HLTF: variants seen among roughly 807,000 people sequenced by gnomAD.
HLTF encodes DNA-dependent ATPase/E3 ubiquitin-protein ligase HLTF.
Under a neutral mutation model 129.4 loss-of-function variants are expected in HLTF, and 127 were observed. That is an observed-to-expected ratio of 0.98 (90% CI 0.85 to 1.14). The LOEUF is 1.14. Ranked by LOEUF, HLTF falls within the 50% of genes most tolerant of loss-of-function variation. HLTF has a pLI of 0.00. For missense variants in HLTF, 1,139 were observed against 1,187.1 expected (o/e 0.96, Z 0.60); for synonymous variants, 332 against 388.8 (o/e 0.85, Z 1.72).
intron 17 of HLTF, among the ~76,000 whole-genome samples, chr3:149,047,425 T>C (rs1190526946): frequency 6.6e-6 from 1 of 152,164 alleles, no homozygotes; most frequent in African/African-American, 2.4e-5. Flanking sequence ...GAGGATAACC[T>C]GAGGTCAGAA....
At chr3:149,041,791 CA>C in intron 19 of HLTF, 123 bp from the exon 20 acceptor site, 1 of 685,864 alleles carries the variant, frequency 1.5e-6, no homozygotes, top group Non-Finnish European at 2.4e-6. Context: ...CTGCCATAGG[CA>C]AAAAGCATAA....
rs59996160 is a variant in HLTF at position 149,035,656 on chromosome 3, C to CA, written c.2797-659dup. On this transcript the variant is annotated intron_variant, in intron 23 of 24. Transcript: ENST00000310053. ...ACTGGGCGACAGCGAGACTCCGTCT[C>CA]AAAAAAAAAAAAAAAAAAAAAAAAA... Among the ~76,000 whole-genome samples, 556 of 73,402 alleles carry CA rather than the reference C, an allele frequency of 7.6e-3. 17 individuals are homozygous for CA. The highest frequency in any genetic ancestry group is 0.023 in the Admixed American group (107 of 4,736). 48.2% of individuals were successfully genotyped at this position (73,402 alleles called of 152,430 possible). A position where few individuals can be genotyped will look rare whatever the true frequency, so the allele number is the denominator to read the frequency against.
intron 4 of HLTF, among the ~76,000 whole-genome samples, 165 bp downstream of exon 4, chr3:149,074,050 G>A (rs1029199690): frequency 3.3e-5 from 5 of 151,920 alleles, no homozygotes; most frequent in African/African-American, 1.2e-4. Flanking sequence ...TTTCAATAGA[G>A]GCAAAAGGAA....
At chr3:149,072,752 A>G (rs1718984909) in intron 5 of HLTF, among the ~76,000 whole-genome samples, 1 of 152,190 alleles carries the variant, frequency 6.6e-6, no homozygotes, top group Admixed American at 6.5e-5. Flanking sequence ...TTTTAATGTT[A>G]TTTTTAAATT....
At chr3:149,072,280 T>C (rs930869346) in intron 5 of HLTF, among the ~76,000 whole-genome samples, 2 of 152,178 alleles carry the variant, frequency 1.3e-5, no homozygotes, top group Non-Finnish European at 2.9e-5. Context: ...GACTTGACCT[T>C]TATGGCCCCA....
At chr3:149,068,371 G>T in intron 7 of HLTF, 36 bp from the exon 8 acceptor site, 3 of 948,606 alleles carry the variant, frequency 3.2e-6, no homozygotes, top group South Asian at 1.5e-5. Context: ...TGGTCAGATT[G>T]TGAAACCCAG....
At chr3:149,046,022 T>C in intron 18 of HLTF, 58 bp downstream of exon 18, 1 of 1,243,904 alleles carries the variant, frequency 8.0e-7, no homozygotes, top group Non-Finnish European at 1.1e-6. Flanking sequence ...TGTCATTCAG[T>C]GAATGGGAAA....
At chr3:149,049,463 A>G (rs2107987677) in intron 15 of HLTF, among the ~76,000 whole-genome samples, 2 of 152,342 alleles carry the variant, frequency 1.3e-5, no homozygotes, top group African/African-American at 4.8e-5. Context: ...GTATTTTTCA[A>G]AAAGTTTTAA....
intron 15 of HLTF, among the ~76,000 whole-genome samples, chr3:149,049,342 C>T (rs1464560511): frequency 2.6e-5 from 4 of 152,138 alleles, no homozygotes; most frequent in Non-Finnish European, 5.9e-5. Flanking sequence ...CGGATTAAAA[C>T]ATAGCAATGA....
intron 15 of HLTF, among the ~76,000 whole-genome samples, chr3:149,049,795 C>A (rs1716831189): frequency 6.6e-6 from 1 of 152,218 alleles, no homozygotes. Context: ...GAGTTCAAGA[C>A]CAGCCTGACC....
At chr3:149,060,287 T>A (rs1472014761) in intron 12 of HLTF, among the ~76,000 whole-genome samples, 1 of 152,162 alleles carries the variant, frequency 6.6e-6, no homozygotes, top group African/African-American at 2.4e-5. Flanking sequence ...ATCTGTATAA[T>A]AATGTAAACA....
chr3:149,037,480 A>G (rs1370087883), intron 23 of HLTF, among the ~76,000 whole-genome samples: 1 of 151,608 alleles, frequency 6.6e-6, no homozygotes, highest in Non-Finnish European at 1.5e-5. Flanking sequence ...AAAAAAAAAA[A>G]AAAGAAAAAA....
At chr3:149,061,108 T>C (rs1717904932) in intron 10 of HLTF, among the ~76,000 whole-genome samples, 1 of 152,148 alleles carries the variant, frequency 6.6e-6, no homozygotes, top group South Asian at 2.1e-4. Context: ...CTCACTCTTT[T>C]GCCCAGGATG....
Position 149,050,322 on chromosome 3 carries a change from A to G in HLTF, c.1527T>C (p.Tyr509=). The part of the protein sequence containing the change: ...KSDVHLNFYV[Y]YGPDRIREPA... Reference sequence around the variant, plus strand: ...GTTCTCTAATACGATCAGGACCATAATAAACATAAAAATTCAAGTGTACAT... The same window carrying G: ...GTTCTCTAATACGATCAGGACCATAGTAAACATAAAAATTCAAGTGTACAT... Residue 509 remains tyrosine (Y), a synonymous_variant, in exon 15 of 25, where the codon TAT becomes TAC. Transcript: ENST00000310053. 1 of 1,595,916 alleles carries G rather than the reference A, an allele frequency of 6.3e-7. No individual in the cohort carries two copies. Among genetic ancestry groups the G allele is most frequent in the East Asian group, 2.2e-5 (1 of 44,536 alleles).
At chr3:149,066,877 T>C (rs1418539015) in intron 8 of HLTF, among the ~76,000 whole-genome samples, 2 of 152,038 alleles carry the variant, frequency 1.3e-5, no homozygotes, top group Non-Finnish European at 2.9e-5. Flanking sequence ...TCAATAAAAG[T>C]AGAAAGTAGG....
Position 149,077,505 on chromosome 3 carries a change from T to G in HLTF, c.229-1458A>C, listed in dbSNP as rs531629837. Among the ~76,000 whole-genome samples the G allele has an allele frequency of 2.6e-5, 4 of 152,100 alleles. No homozygotes were observed. In the East Asian group the frequency reaches 7.7e-4, roughly 29 times the overall value. ...TTGGGCGGATGTTTGTCAAAACAAT[T>G]TTACAGGAAAGTGTTTTAACTTCAT... On this transcript the variant is annotated intron_variant, in intron 2 of 24. Transcript: ENST00000310053.
At chr3:149,042,670 A>G (rs1310648350) in intron 18 of HLTF, among the ~76,000 whole-genome samples, 2 of 152,146 alleles carry the variant, frequency 1.3e-5, no homozygotes, top group African/African-American at 2.4e-5. Context: ...GGAGAAATTT[A>G]TATCAAAAAA....
intron 23 of HLTF, among the ~76,000 whole-genome samples, chr3:149,036,792 CA>C (rs1334481522): frequency 6.6e-6 from 1 of 151,952 alleles, no homozygotes; most frequent in Non-Finnish European, 1.5e-5. Flanking sequence ...CTTTCATGAG[CA>C]AATTTTTATT....
chr3:149,058,955 C>A (rs991263924), intron 13 of HLTF, among the ~76,000 whole-genome samples: 1 of 152,194 alleles, frequency 6.6e-6, no homozygotes, highest in Non-Finnish European at 1.5e-5. Context: ...ATCCACCCAA[C>A]ATGCCTATAT....
Sources: gnomAD v4.1 joint callset for allele counts (sites outside exome capture counted in the v4.1 genomes callset) on GRCh38, gnomAD v4.1.1 for gene constraint, MANE v1.5 for transcripts, NCBI Gene and HGNC (gene_info 2026-07-23, HGNC 2026-07-21) for gene names.